LEF1: variants seen among roughly 807,000 people sequenced by gnomAD.
LEF1 encodes the protein lymphoid enhancer-binding factor 1.
A neutral mutation model predicts 51.2 loss-of-function variants in LEF1; 14 were observed. The observed-to-expected ratio is 0.27, with a 90% CI of 0.18 to 0.43. The LOEUF (loss-of-function observed/expected upper bound fraction) is 0.43, where lower values mean the gene tolerates loss of function less well. Among genes scored for constraint, LEF1 ranks in the 20% least tolerant of loss-of-function variants. LEF1 has a pLI of 1.00. For synonymous variants in LEF1, 185 were observed against 183.2 expected (o/e 1.01, Z -0.08); for missense variants, 386 against 512.0 (o/e 0.75, Z 2.37).
At chr4:108,140,402 T>A (rs949250371) in intron 3 of LEF1, among the ~76,000 whole-genome samples, 11 of 152,224 alleles carry the variant, frequency 7.2e-5, no homozygotes, top group Admixed American at 2.0e-4. Flanking sequence ...CTTTCCTCTA[T>A]CTACTTTAGC....
intron 9 of LEF1, among the ~76,000 whole-genome samples, chr4:108,070,243 G>A (rs1472450112): frequency 3.3e-5 from 5 of 151,620 alleles, no homozygotes; most frequent in Admixed American, 6.6e-5. Flanking sequence ...ATATAAGATC[G>A]AGAAGTATGC....
intron 3 of LEF1, among the ~76,000 whole-genome samples, chr4:108,130,827 A>C (rs1204077027): frequency 6.6e-6 from 1 of 152,012 alleles, no homozygotes; most frequent in Non-Finnish European, 1.5e-5. Flanking sequence ...GAACTTAAAC[A>C]CTCCACTAAC....
At chr4:108,155,817 C>T (rs965470920) in intron 3 of LEF1, among the ~76,000 whole-genome samples, 1 of 152,180 alleles carries the variant, frequency 6.6e-6, no homozygotes, top group African/African-American at 2.4e-5. Flanking sequence ...CTAGTCCTTC[C>T]CTTCTCTATG....
At chr4:108,138,011 A>C (rs1743407145) in intron 3 of LEF1, among the ~76,000 whole-genome samples, 2 of 152,212 alleles carry the variant, frequency 1.3e-5, no homozygotes, top group South Asian at 4.1e-4. Context: ...GAGGTTAACA[A>C]ATTATTAACC....
chr4:108,154,204 T>G (rs1332547079), intron 3 of LEF1, among the ~76,000 whole-genome samples: 2 of 152,204 alleles, frequency 1.3e-5, no homozygotes, highest in Non-Finnish European at 2.9e-5. Flanking sequence ...AATATTATGA[T>G]GAATTTAATA....
In LEF1 at chr4:108,116,287, G is replaced by A. The variant is rs562790418; in HGVS notation, c.415-27030C>T. ...TGTAATCCCAGCACTTTGGGAGGCC[G>A]AGGTGAGAGGACTGCTTGAACCCAG... On this transcript the variant is annotated intron_variant, in intron 3 of 11. Coordinates refer to ENST00000265165, the MANE Select transcript of LEF1 (RefSeq NM_016269.5). Among the ~76,000 whole-genome samples, 89 of 152,298 alleles carry A rather than the reference G, an allele frequency of 5.8e-4. 1 individual carries two copies. The highest frequency in any genetic ancestry group is 3.4e-3 in the Middle Eastern group (1 of 294).
intron 3 of LEF1, among the ~76,000 whole-genome samples, chr4:108,140,239 G>A (rs1460859008): frequency 2.6e-5 from 4 of 152,036 alleles, no homozygotes; most frequent in East Asian, 1.9e-4. Flanking sequence ...TGAAGCCAAC[G>A]CTCCAGGCAG....
At chr4:108,112,479 G>A (rs1256202018) in intron 3 of LEF1, among the ~76,000 whole-genome samples, 1 of 152,204 alleles carries the variant, frequency 6.6e-6, no homozygotes, top group Non-Finnish European at 1.5e-5. Context: ...AGAGGATGAC[G>A]CCTGAAGCCA....
intron 11 of LEF1, among the ~76,000 whole-genome samples, chr4:108,060,237 G>A (rs1360117171): frequency 6.6e-6 from 1 of 152,138 alleles, no homozygotes; most frequent in African/African-American, 2.4e-5. Flanking sequence ...AGGTCGTGCA[G>A]AAGCTTTATA....
At chr4:108,131,013 A>G (rs1742849082) in intron 3 of LEF1, among the ~76,000 whole-genome samples, 1 of 151,846 alleles carries the variant, frequency 6.6e-6, no homozygotes, top group South Asian at 2.1e-4. Context: ...GTTATTTTTT[A>G]TTTATCTTTT....
chr4:108,129,117 T>A (rs889279414), intron 3 of LEF1, among the ~76,000 whole-genome samples: 2 of 152,140 alleles, frequency 1.3e-5, no homozygotes, highest in African/African-American at 4.8e-5. Flanking sequence ...CTCAAACTCC[T>A]CTCATTACTG....
At chr4:108,112,943 G>A (rs947198158) in intron 3 of LEF1, among the ~76,000 whole-genome samples, 1 of 152,102 alleles carries the variant, frequency 6.6e-6, no homozygotes, top group Admixed American at 6.5e-5. Context: ...TACACCATTA[G>A]ACAATGTCAT....
rs753918551 is a variant in LEF1, at chr4:108,165,139, G to C, written c.238C>G (p.Gln80Glu). ...HEVARQAQTS[Q>E]EPYHDKAREH... ...CTGGCCTTGTCGTGGTAGGGCTCCT[G>C]AGAGGTTTGTGCTTGTCTGGCCACC... The change falls in exon 2 of 12, where the codon CAG becomes GAG. Residue 80 changes from glutamine to glutamate, a missense_variant. By Grantham distance (29) the Gln-to-Glu change is conservative. Around this residue, in one of 2 missense-constraint regions of LEF1, gnomAD observed 335 missense variants for 390.7 expected, o/e 0.86. Transcript: ENST00000265165. 12 of 1,613,972 alleles carry C rather than the reference G, an allele frequency of 7.4e-6. No homozygotes were observed. In the South Asian group the frequency reaches 1.2e-4, roughly 16 times the overall value.
Position 108,079,476 on chromosome 4 carries a change from C to G in LEF1, c.845+16G>C, listed in dbSNP as rs1215883502. The G allele has an allele frequency of 6.2e-7, 1 of 1,613,758 alleles. No homozygotes were observed. The highest frequency in any genetic ancestry group is 8.5e-7 in the Non-Finnish European group (1 of 1,179,818). On this transcript the variant is annotated intron_variant, in intron 7 of 11. Coordinates refer to ENST00000265165, the MANE Select transcript of LEF1 (RefSeq NM_016269.5). Reference sequence around the variant, plus strand: ...TATCCTAAGGCAATCACAGCAGAGCCCGGGTGGATACTTACACGTGCATTA... The same window carrying G: ...TATCCTAAGGCAATCACAGCAGAGCGCGGGTGGATACTTACACGTGCATTA...
At chr4:108,129,538 A>G (rs1362275450) in intron 3 of LEF1, among the ~76,000 whole-genome samples, 1 of 152,198 alleles carries the variant, frequency 6.6e-6, no homozygotes, top group Non-Finnish European at 1.5e-5. Context: ...TCCTTCATGA[A>G]TAATGGAGAA....
Position 108,079,495 on chromosome 4 carries a change from T to C in LEF1, c.842A>G (p.His281Arg), listed in dbSNP as rs1456848062. The change falls in exon 7 of 12, where the codon CAC becomes CGC. Residue 281 changes from histidine to arginine, a missense_variant. By Grantham distance (29) the His-to-Arg change is conservative (BLOSUM62 0). Coordinates refer to ENST00000265165, the MANE Select transcript of LEF1 (RefSeq NM_016269.5). ...EHPHTDSDLM[H>R]VKPQHEQRKE... Reference sequence around the variant, plus strand: ...CAGAGCCCGGGTGGATACTTACACGTGCATTAGGTCACTGTCAGTGTGGGG... The same window carrying C: ...CAGAGCCCGGGTGGATACTTACACGCGCATTAGGTCACTGTCAGTGTGGGG... 1 of 1,614,070 alleles carries C rather than the reference T, an allele frequency of 6.2e-7. No individual in the cohort carries two copies. The highest frequency in any genetic ancestry group is 8.5e-7 in the Non-Finnish European group (1 of 1,179,986).
chr4:108,048,971 C>T (rs368382836), intron 11 of LEF1, among the ~76,000 whole-genome samples: 9 of 152,206 alleles, frequency 5.9e-5, no homozygotes, highest in African/African-American at 2.2e-4. Flanking sequence ...TCCATGTATA[C>T]GTATGCCCAG....
intron 3 of LEF1, among the ~76,000 whole-genome samples, chr4:108,128,132 G>A (rs1742660710): frequency 6.6e-6 from 1 of 152,108 alleles, no homozygotes; most frequent in Non-Finnish European, 1.5e-5. Context: ...ACCATTCTCA[G>A]GAGAGAATGG....
At chr4:108,165,302 C>T (rs760241568) in intron 1 of LEF1, 139 bp from the exon 2 acceptor site, 88 of 745,694 alleles carry the variant, frequency 1.2e-4, no homozygotes, top group Non-Finnish European at 1.7e-4. Context: ...GAGAGACATA[C>T]GCTAGTGTTT....
Sources: gnomAD v4.1 joint callset for allele counts (sites outside exome capture counted in the v4.1 genomes callset) on GRCh38, gnomAD v4.1.1 for gene constraint, gnomAD v4.1.1 regional missense constraint, MANE v1.5 for transcripts, NCBI Gene and HGNC (gene_info 2026-07-23, HGNC 2026-07-21) for gene names.